The following DND1 variants were observed in gnomAD, a reference collection of about 807,000 sequenced individuals.
The protein encoded by DND1 is dead end protein homolog 1.
In DND1, 6 loss-of-function variants were observed where a neutral mutation model predicts 30.4. The observed-to-expected ratio is 0.20, with a 90% confidence interval of 0.11 to 0.39. The LOEUF (loss-of-function observed/expected upper bound fraction) is 0.39, where lower values mean the gene tolerates loss of function less well. Among genes scored for constraint, DND1 ranks in the 10% least tolerant of loss-of-function variants. The probability of loss-of-function intolerance (pLI) is 1.00; values close to 1 mark genes in which losing one functional copy is unlikely to be tolerated. For missense variants in DND1, 358 were observed against 474.9 expected (o/e 0.75, Z 2.29); for synonymous variants, 178 against 210.4 (o/e 0.85, Z 1.33).
In DND1 at chr5:140,671,077, G is replaced by A; in HGVS notation, c.*216C>T. On this transcript the variant is annotated 3_prime_UTR_variant, in exon 4 of 4. Coordinates refer to ENST00000542735, the MANE Select transcript of DND1 (RefSeq NM_194249.3). ...ACTGGGTCAGGTTGGACCCTGGGCT[G>A]GGAGCGGGAGGGCAAGGCCCCTCAC... The A allele has an allele frequency of 1.6e-6, 1 of 632,534 alleles. No individual in the cohort carries two copies. Among genetic ancestry groups the A allele is most frequent in the Non-Finnish European group, 2.8e-6 (1 of 356,268 alleles). 39.2% of individuals were successfully genotyped at this position (632,534 alleles called of 1,614,324 possible).
Position 140,671,157 on chromosome 5 carries a change from C to T in DND1, c.*136G>A, listed in dbSNP as rs1448658266. ...CAGGTGCCATAGGTCCCTGTCCCAG[C>T]AGGGAGGCTGATGGGCCTGGGCCCA... On this transcript the variant is annotated 3_prime_UTR_variant, in exon 4 of 4. Coordinates refer to ENST00000542735, the MANE Select transcript of DND1 (RefSeq NM_194249.3). The T allele has an allele frequency of 8.8e-7, 1 of 1,136,718 alleles. No homozygotes were observed. Among genetic ancestry groups the T allele is most frequent in the Admixed American group, 2.0e-5 (1 of 50,512 alleles). 70.4% of individuals were successfully genotyped at this position (1,136,718 alleles called of 1,614,324 possible).
At position 140,672,732 on chromosome 5, in the gene DND1, C is replaced by G; in HGVS notation, c.317G>C (p.Ser106Thr). ...GGCGGCCTGCGCGCCGCGCCTCGAGCTGTAGCGGGCATAGGCGAAGCCGCG... is the reference window on the plus strand; with the variant it reads ...GGCGGCCTGCGCGCCGCGCCTCGAGGTGTAGCGGGCATAGGCGAAGCCGCG... ...LNRGFAYARY[S>T]SRRGAQAAIA... The change falls in exon 3 of 4, where the codon AGC becomes ACC. Residue 106 changes from serine (S) to threonine (T), a missense_variant. Physicochemically the swap from Ser to Thr is moderately conservative, Grantham distance 58. This residue lies in a region of DND1 where 120 missense variants were observed against 199.1 expected (regional missense o/e 0.60). Coordinates refer to ENST00000542735, the MANE Select transcript of DND1 (RefSeq NM_194249.3). The G allele has an allele frequency of 1.3e-6, 2 of 1,587,736 alleles. No individual in the cohort carries two copies. The highest frequency in any genetic ancestry group is 1.7e-6 in the Non-Finnish European group (2 of 1,174,282).
In DND1 at chr5:140,673,501, A is replaced by C. The variant is rs1308615132; in HGVS notation, c.24+18T>G. On this transcript the variant is annotated intron_variant, in intron 1 of 3. Transcript: ENST00000542735. ...GCTCCGGCGGGGCTCGCCGGCCCCC[A>C]AGTCGCCAGCCGCTTACCTCACAAT... 1.2e-6 allele frequency: 2 copies of C among 1,602,762 alleles called. No individual in the cohort carries two copies. Among genetic ancestry groups the C allele is most frequent in the East Asian group, 4.5e-5 (2 of 44,106 alleles).
chr5:140,673,333 C>G lies in DND1; in HGVS notation c.80G>C (p.Arg27Thr). 1 of 1,614,162 alleles carries G rather than the reference C, an allele frequency of 6.2e-7. No homozygotes were observed. Among genetic ancestry groups the G allele is most frequent in the South Asian group, 1.1e-5 (1 of 91,082 alleles). ...CTGCACCAGGCGGATGCCTGTCTCC[C>G]TGACCCACGCCTCCAGCGCCGCCTT... is the stretch of plus-strand genomic sequence containing the variant. ...ENKAALEAWV[R>T]ETGIRLVQVN... Residue 27 changes from arginine to threonine, a missense_variant, in exon 2 of 4, where the codon AGG (arginine) becomes ACG (threonine). This residue lies in a region of DND1 where 120 missense variants were observed against 199.1 expected (regional missense o/e 0.60). Coordinates refer to ENST00000542735, the MANE Select transcript of DND1 (RefSeq NM_194249.3).
intron 3 of DND1, 34 bp from the exon 4 acceptor site, chr5:140,671,784 A>T: frequency 6.4e-7 from 1 of 1,552,522 alleles, no homozygotes; most frequent in Non-Finnish European, 8.7e-7. Context: ...GGGCAGGTCT[A>T]AACCCTGGGC....
chr5:140,671,219 C>A lies in DND1; in HGVS notation c.*74G>T, dbSNP rs929116535. On this transcript the variant is annotated 3_prime_UTR_variant, in exon 4 of 4. Coordinates refer to ENST00000542735, the MANE Select transcript of DND1 (RefSeq NM_194249.3). ...ACCTTTGGGGGTCAGAAAGTGGCCA[C>A]CCAGGCCTGCTGGGATGGGGCCTGA... The A allele has an allele frequency of 3.1e-6, 5 of 1,597,088 alleles. No homozygotes were observed. In the African/African-American group the frequency reaches 6.7e-5, roughly 21 times the overall value.
Position 140,672,568 on chromosome 5 carries a change from G to C in DND1, c.481C>G (p.Leu161Val). 1 of 1,581,670 alleles carries C rather than the reference G, an allele frequency of 6.3e-7. No individual in the cohort carries two copies. Residue 161 changes from leucine to valine, a missense_variant, in exon 3 of 4, where the codon CTG becomes GTG. Leu to Val is a conservative substitution (Grantham distance 32). This residue lies in a region of DND1 where 62 missense variants were observed against 40.6 expected (regional missense o/e 1.53). Transcript: ENST00000542735. ...CGCGCCTCCTGCAAGCCGGGACCCA[G>C]CGGCTGCAGCGCGAGCAGCAGCGCG... ...RSALLLALQP[L>V]GPGLQEARLL...
intron 3 of DND1, 92 bp downstream of exon 3, chr5:140,672,353 C>G (rs1240333040): frequency 2.2e-6 from 3 of 1,365,686 alleles, no homozygotes; most frequent in Non-Finnish European, 3.0e-6. Context: ...GCATGTTTGA[C>G]TCTAAGATCT....
intron 3 of DND1, chr5:140,672,231 TAAGTC>T (rs1758100508): frequency 3.3e-6 from 2 of 604,310 alleles, no homozygotes; most frequent in African/African-American, 1.9e-5. Context: ...GGTTGAGAAT[TAAGTC>T]AGGAGGTAAT....
rs1312205658 is a variant in DND1 at position 140,670,798 on chromosome 5, T to C, written c.*495A>G. 1 of 225,574 alleles carries C rather than the reference T, an allele frequency of 4.4e-6. No homozygotes were observed. Among genetic ancestry groups the C allele is most frequent in the Non-Finnish European group, 8.9e-6 (1 of 111,754 alleles). The allele number at this position is 225,574 out of a possible 1,614,324, so 14.0% of individuals were successfully genotyped here. Reference sequence around the variant, plus strand: ...GCAAGACAGCACAGACACAAGTATATACTAACCAGGGGTTTAATATAAATA... The same window carrying C: ...GCAAGACAGCACAGACACAAGTATACACTAACCAGGGGTTTAATATAAATA... On this transcript the variant is annotated 3_prime_UTR_variant, in exon 4 of 4. Coordinates refer to ENST00000542735, the MANE Select transcript of DND1 (RefSeq NM_194249.3).
rs1021033003 is a variant in DND1 at position 140,671,430 on chromosome 5, G to T, written c.925C>A (p.Leu309Met). 1.2e-6 allele frequency: 2 copies of T among 1,611,980 alleles called. No individual in the cohort carries two copies. Among genetic ancestry groups the T allele is most frequent in the South Asian group, 1.1e-5 (1 of 90,998 alleles). ...TGCCCATCCCGGCCATCTAGGGTCA[G>T]CACAACCCAGATGAGGCCGCTGAAG... is the stretch of plus-strand genomic sequence containing the variant. ...VPFSGLIWVV[L>M]TLDGRDGHEV... Residue 309 changes from leucine (L) to methionine (M), a missense_variant, in exon 4 of 4, where the codon CTG becomes ATG. Around this residue, in one of 3 missense-constraint regions of DND1, gnomAD observed 176 missense variants for 235.2 expected, o/e 0.75. Transcript: ENST00000542735.
intron 3 of DND1, chr5:140,672,200 T>G (rs1173692175): frequency 2.2e-5 from 13 of 585,536 alleles, no homozygotes; most frequent in African/African-American, 3.7e-5. Flanking sequence ...GTGCCTATTT[T>G]GCGGTGTGGG....
rs781704770 is a variant in DND1, at chr5:140,672,698, C to A, written c.351G>T (p.Thr117=). 5.7e-6 allele frequency: 9 copies of A among 1,580,794 alleles called. No homozygotes were observed. The African/African-American group carries it at 6.7e-5, about 12-fold the overall frequency. The change falls in exon 3 of 4, where the codon ACG becomes ACT. Residue 117 remains threonine (T), a synonymous_variant. Transcript: ENST00000542735. ...SRRGAQAAIA[T]LHNHPLRPSC... is the part of the protein sequence containing the mutation. ...ACGGCCGCAGCGGATGGTTGTGCAGCGTGGCGATGGCGGCCTGCGCGCCGC... is the reference window on the plus strand; with the variant it reads ...ACGGCCGCAGCGGATGGTTGTGCAGAGTGGCGATGGCGGCCTGCGCGCCGC...
chr5:140,672,302 T>A, intron 3 of DND1, 143 bp downstream of exon 3: 1 of 918,984 alleles, frequency 1.1e-6, no homozygotes, highest in Non-Finnish European at 1.6e-6. Flanking sequence ...ATTGGAAGTT[T>A]TAAAAATCTG....
At chr5:140,673,482 G>T (rs550720780) in intron 1 of DND1, 37 bp downstream of exon 1, 1 of 1,609,362 alleles carries the variant, frequency 6.2e-7, no homozygotes. Flanking sequence ...CCCCGCTCCG[G>T]CGGGGCTCGC....
At chr5:140,673,118 A>G in intron 2 of DND1, 153 bp downstream of exon 2, 1 of 1,043,384 alleles carries the variant, frequency 9.6e-7, no homozygotes. Context: ...CCCTCCCTCG[A>G]CGGGGCGGGT....
chr5:140,671,863 GT>G, intron 3 of DND1, 113 bp from the exon 4 acceptor site: 1 of 1,206,726 alleles, frequency 8.3e-7, no homozygotes, highest in Non-Finnish European at 1.2e-6. Flanking sequence ...CCATTTCCTG[GT>G]AGTGTGACCA....
chr5:140,672,941 C>G, intron 2 of DND1, 35 bp from the exon 3 acceptor site: 1 of 1,534,934 alleles, frequency 6.5e-7, no homozygotes, highest in Non-Finnish European at 8.7e-7. Context: ...CACCGTCAGG[C>G]GACGCTTTCG....
In DND1 at chr5:140,671,299, T is replaced by C. The variant is rs1309897992; in HGVS notation, c.1056A>G (p.Lys352=). ...CTGTGGAGAAAGAATGGAGTCACTG[T>C]TTAACCATGGTACCTGCCTCAGCCC... is the stretch of plus-strand genomic sequence containing the variant. ...SAGAEAGTMV[K]Q The change falls in exon 4 of 4, where the codon AAA becomes AAG. Residue 352 remains lysine (K), a synonymous_variant. Coordinates refer to ENST00000542735, the MANE Select transcript of DND1 (RefSeq NM_194249.3). 1 of 1,612,866 alleles carries C rather than the reference T, an allele frequency of 6.2e-7. No homozygotes were observed.
Sources: gnomAD v4.1 joint callset for allele counts on GRCh38, gnomAD v4.1.1 for gene constraint, gnomAD v4.1.1 regional missense constraint, MANE v1.5 for transcripts, NCBI Gene and HGNC (gene_info 2026-07-23, HGNC 2026-07-21) for gene names.